Variants in PREP observed in about 807,000 individuals in gnomAD.
The protein encoded by PREP is prolyl endopeptidase.
A neutral mutation model predicts 87.6 loss-of-function variants in PREP; 29 were observed. The ratio of observed to expected loss-of-function variants is 0.33; its 90% confidence interval spans 0.25 to 0.45. PREP has a LOEUF of 0.45. Among genes scored for constraint, PREP ranks in the 20% least tolerant of loss-of-function variants. The pLI is 1.00. For synonymous variants in PREP, 337 were observed against 328.6 expected (o/e 1.03, Z -0.28); for missense variants, 695 against 886.5 (o/e 0.78, Z 2.74).
intron 10 of PREP, among the ~76,000 whole-genome samples, chr6:105,308,058 A>T (rs1770689290): frequency 6.6e-6 from 1 of 152,182 alleles, no homozygotes. Flanking sequence ...GGCCTCACTT[A>T]GACTAATGCA....
intron 2 of PREP, among the ~76,000 whole-genome samples, chr6:105,388,323 G>A (rs192984193): frequency 2.6e-5 from 4 of 152,320 alleles, no homozygotes; most frequent in Admixed American, 2.6e-4. Context: ...GCAATGCTGG[G>A]TGAAAAGTGA....
intron 7 of PREP, among the ~76,000 whole-genome samples, chr6:105,344,527 G>GTAGGGACA (rs1562208709): frequency 5.3e-5 from 8 of 150,828 alleles, no homozygotes; most frequent in Admixed American, 4.6e-4. Context: ...CATGTCCTTT[G>GTAGGGACA]TAGGGACATG....
At chr6:105,317,024 T>A (rs1364182816) in intron 10 of PREP, among the ~76,000 whole-genome samples, 1 of 151,700 alleles carries the variant, frequency 6.6e-6, no homozygotes, top group Non-Finnish European at 1.5e-5. Flanking sequence ...TAGTTCACTG[T>A]AACCTTGAAC....
intron 6 of PREP, among the ~76,000 whole-genome samples, chr6:105,362,563 A>ACC (rs1436505819): frequency 6.6e-6 from 1 of 152,198 alleles, no homozygotes; most frequent in African/African-American, 2.4e-5. Context: ...TGTCTACTAA[A>ACC]AACAACTCTC....
At chr6:105,303,909 A>G (rs1770599179) in intron 10 of PREP, among the ~76,000 whole-genome samples, 1 of 152,182 alleles carries the variant, frequency 6.6e-6, no homozygotes, top group South Asian at 2.1e-4. Flanking sequence ...TTTAGTTCAT[A>G]CTTTGGTCAA....
At chr6:105,344,491 CA>C (rs35275950) in intron 7 of PREP, among the ~76,000 whole-genome samples, 16,674 of 103,218 alleles carry the variant, frequency 0.16, 1,416 homozygotes, top group African/African-American at 0.31. Flanking sequence ...GACTCCGTCT[CA>C]AAAAAAAAAA....
intron 5 of PREP, among the ~76,000 whole-genome samples, chr6:105,369,781 C>T (rs1054622888): frequency 6.6e-6 from 1 of 151,968 alleles, no homozygotes; most frequent in African/African-American, 2.4e-5. Flanking sequence ...TATAAAATTC[C>T]TAAATATACA....
intron 10 of PREP, among the ~76,000 whole-genome samples, chr6:105,290,387 G>A (rs570686275): frequency 9.9e-5 from 15 of 152,208 alleles, no homozygotes; most frequent in East Asian, 3.9e-4. Context: ...CGAGCAAACC[G>A]TCTCACATGA....
chr6:105,309,072 C>T (rs76312741), intron 10 of PREP, among the ~76,000 whole-genome samples: 1,736 of 151,990 alleles, frequency 0.011, 35 homozygotes, highest in African/African-American at 0.04. Context: ...GAGGCCAGAG[C>T]GGCTGCAGCA....
chr6:105,282,624 T>C lies in PREP; in HGVS notation c.1550-42A>G. On this transcript the variant is annotated intron_variant, in intron 12 of 14. Transcript: ENST00000652536. ...TGGAAGATAGTTAATTAACAAAACA[T>C]AAAAATAAGTTTAATCTAATGGGAA... is the stretch of plus-strand genomic sequence containing the variant. The C allele has an allele frequency of 4.4e-6, 7 of 1,596,488 alleles. No homozygotes were observed. In the South Asian group the frequency reaches 4.6e-5, roughly 10 times the overall value.
At chr6:105,289,256 C>T (rs552769029) in intron 10 of PREP, among the ~76,000 whole-genome samples, 2 of 152,288 alleles carry the variant, frequency 1.3e-5, no homozygotes, top group African/African-American at 2.4e-5. Flanking sequence ...ACAGGCTTTC[C>T]ATTCTCTGCT....
chr6:105,389,814 C>T (rs1236975409), intron 2 of PREP, among the ~76,000 whole-genome samples: 4 of 152,136 alleles, frequency 2.6e-5, no homozygotes, highest in Admixed American at 2.6e-4. Context: ...GCTAGACCGA[C>T]ACCGAAATTG....
intron 10 of PREP, chr6:105,302,637 C>A: frequency 2.2e-6 from 1 of 462,642 alleles, no homozygotes; most frequent in South Asian, 1.7e-5. Flanking sequence ...TTGTGTGAGT[C>A]TGGTTAATTA....
intron 10 of PREP, among the ~76,000 whole-genome samples, chr6:105,299,379 A>G (rs534204117): frequency 6.6e-6 from 1 of 152,338 alleles, no homozygotes; most frequent in East Asian, 1.9e-4. Context: ...CGGACAGATC[A>G]CTTGAGGACA....
At chr6:105,280,718 G>C (rs1318405301) in intron 14 of PREP, 1 of 151,990 alleles carries the variant, frequency 6.6e-6, no homozygotes, top group Non-Finnish European at 1.5e-5. Context: ...CTACAAGCAT[G>C]CATCACCATG....
chr6:105,348,899 A>C (rs937867627), intron 7 of PREP, among the ~76,000 whole-genome samples: 1 of 151,758 alleles, frequency 6.6e-6, no homozygotes, highest in Non-Finnish European at 1.5e-5. Flanking sequence ...AAAAAAGTAC[A>C]AGGAAGCCTG....
Position 105,274,065 on chromosome 6 carries a change from A to G in PREP, c.*4079T>C, listed in dbSNP as rs1277551849. ...GTTTCTTGTTAATTCCTGAAATTAT[A>G]CTTTGTTTATTATCTTGTTAATAGA... is the stretch of plus-strand genomic sequence containing the variant. On this transcript the variant is annotated 3_prime_UTR_variant, in exon 15 of 15. Transcript: ENST00000652536. 6.6e-6 allele frequency among the ~76,000 whole-genome samples: 1 copy of G among 152,134 alleles called. No homozygotes were observed. Among genetic ancestry groups the G allele is most frequent in the Non-Finnish European group, 1.5e-5 (1 of 68,026 alleles).
chr6:105,337,255 T>G (rs1274113090), intron 7 of PREP, among the ~76,000 whole-genome samples: 1 of 152,228 alleles, frequency 6.6e-6, no homozygotes, highest in Non-Finnish European at 1.5e-5. Context: ...AAACATTATT[T>G]GTGGAAATTC....
intron 7 of PREP, among the ~76,000 whole-genome samples, chr6:105,335,092 C>T (rs1165453127): frequency 1.3e-5 from 2 of 152,160 alleles, no homozygotes; most frequent in African/African-American, 2.4e-5. Flanking sequence ...ATCTTCAATA[C>T]GTCCGTATCA....
Sources: gnomAD v4.1 joint callset for allele counts (sites outside exome capture counted in the v4.1 genomes callset) on GRCh38, gnomAD v4.1.1 for gene constraint, MANE v1.5 for transcripts, NCBI Gene and HGNC (gene_info 2026-07-23, HGNC 2026-07-21) for gene names.